The following RANBP2 variants were observed in gnomAD, a reference collection of about 807,000 sequenced individuals.
RANBP2 encodes the protein RAN binding protein 2, also known as E3 SUMO-protein ligase RanBP2.
In RANBP2, 57 loss-of-function variants were observed where a neutral mutation model predicts 303.6. The ratio of observed to expected loss-of-function variants is 0.19; its 90% confidence interval spans 0.15 to 0.23. The LOEUF (loss-of-function observed/expected upper bound fraction) is 0.23, where lower values mean the gene tolerates loss of function less well. Ranked by LOEUF, RANBP2 falls within the 10% of genes least tolerant of loss-of-function variation. The pLI, the probability that RANBP2 is intolerant of heterozygous loss-of-function variation, is 1.00. For missense variants in RANBP2, 3,138 were observed against 3,780.8 expected (o/e 0.83, Z 4.46); for synonymous variants, 1,167 against 1,301.5 (o/e 0.90, Z 2.23).
the RANBP2 span, among the ~76,000 whole-genome samples, chr2:109,084,795 A>G: frequency 4.0e-4 from 61 of 152,128 alleles, no homozygotes; most frequent in Non-Finnish European, 8.8e-5. Context: ...TGTGGACGCC[A>G]CTCATATTTT....
chr2:109,387,052 C>T, the RANBP2 span, among the ~76,000 whole-genome samples: 1,611 of 152,256 alleles, frequency 0.011, 40 homozygotes, highest in African/African-American at 0.037. Flanking sequence ...TAAAATCACC[C>T]ATAATCCTAC....
chr2:109,211,771 G>C, the RANBP2 span, among the ~76,000 whole-genome samples: 1 of 151,794 alleles, frequency 6.6e-6, no homozygotes, highest in Admixed American at 6.6e-5. Context: ...CAGCCTCCCT[G>C]AGTAGCTGGG....
At chr2:108,912,758 C>A in the RANBP2 span, 1 of 1,592,810 alleles carries the variant, frequency 6.3e-7, no homozygotes, top group Non-Finnish European at 8.5e-7. Context: ...TGAAGTGGCT[C>A]CCACACCTGC....
chr2:109,389,416 G>C, the RANBP2 span, among the ~76,000 whole-genome samples: 1 of 152,352 alleles, frequency 6.6e-6, no homozygotes, highest in South Asian at 2.1e-4. Flanking sequence ...TTGACATCTT[G>C]ACCGAGGGCA....
the RANBP2 span, among the ~76,000 whole-genome samples, chr2:109,497,134 A>G: frequency 0.25 from 38,776 of 152,108 alleles, 5,270 homozygotes; most frequent in East Asian, 0.5. Context: ...TTATAGTATG[A>G]TGCCACTACA....
At chr2:109,548,145 G>T in the RANBP2 span, among the ~76,000 whole-genome samples, 1 of 150,466 alleles carries the variant, frequency 6.6e-6, no homozygotes, top group Non-Finnish European at 1.5e-5. Context: ...CAAGGAGAAT[G>T]TAGGTGGACC....
the RANBP2 span, among the ~76,000 whole-genome samples, chr2:109,044,694 C>G: frequency 6.6e-6 from 1 of 152,068 alleles, no homozygotes; most frequent in East Asian, 1.9e-4. Flanking sequence ...CTTTATTCAT[C>G]CCCACTCCAG....
At chr2:109,283,310 G>T in the RANBP2 span, among the ~76,000 whole-genome samples, 2 of 152,202 alleles carry the variant, frequency 1.3e-5, no homozygotes, top group Non-Finnish European at 1.5e-5. Context: ...TTGTGGGCCT[G>T]CTGGACACCT....
At chr2:109,766,785 T>C in the RANBP2 span, among the ~76,000 whole-genome samples, 2 of 150,118 alleles carry the variant, frequency 1.3e-5, no homozygotes, top group African/African-American at 4.9e-5. Flanking sequence ...TAGATTTGCC[T>C]GTTTGATTTT....
the RANBP2 span, among the ~76,000 whole-genome samples, chr2:108,922,069 G>A: frequency 7.2e-5 from 11 of 152,328 alleles, no homozygotes; most frequent in African/African-American, 9.6e-5. Context: ...TTAGAGAGGC[G>A]CCCCTGCCGT....
At chr2:109,051,080 A>G in the RANBP2 span, among the ~76,000 whole-genome samples, 5 of 152,150 alleles carry the variant, frequency 3.3e-5, no homozygotes, top group Non-Finnish European at 7.4e-5. Flanking sequence ...TCTGAAATGC[A>G]TGCTTCCTTA....
the RANBP2 span, among the ~76,000 whole-genome samples, chr2:109,451,070 C>T: frequency 2.0e-5 from 3 of 152,358 alleles, no homozygotes; most frequent in Admixed American, 2.0e-4. Context: ...TGGGCCACAC[C>T]AGGTTCCGCA....
rs755349791 is a variant in RANBP2 at position 108,783,905 on chromosome 2, CATT to C, written c.*5_*7del. ...CACAGAATGTGGACAGATATAAAAT[CATT>C]GTTGTTCATAGAAAATTTCATCTGT... On this transcript the variant is annotated 3_prime_UTR_variant, in exon 29 of 29. Coordinates refer to ENST00000283195, the MANE Select transcript of RANBP2 (RefSeq NM_006267.5). The C allele has an allele frequency of 8.8e-5, 141 of 1,603,826 alleles. No homozygotes were observed. Among genetic ancestry groups the C allele is most frequent in the African/African-American group, 4.0e-4 (30 of 74,802 alleles).
the RANBP2 span, among the ~76,000 whole-genome samples, chr2:109,513,332 C>T: frequency 1.3e-5 from 2 of 151,512 alleles, no homozygotes; most frequent in African/African-American, 4.9e-5. Flanking sequence ...CATGCACACA[C>T]CTCACACATG....
chr2:109,366,779 G>A, the RANBP2 span, among the ~76,000 whole-genome samples: 1 of 152,194 alleles, frequency 6.6e-6, no homozygotes, highest in African/African-American at 2.4e-5. Context: ...CTTGCGCCTG[G>A]AAAGTCAAAG....
At chr2:109,032,590 G>T in the RANBP2 span, among the ~76,000 whole-genome samples, 1 of 151,730 alleles carries the variant, frequency 6.6e-6, no homozygotes, top group Non-Finnish European at 1.5e-5. Flanking sequence ...TCCCCATGGG[G>T]TGGGGTGGGG....
the RANBP2 span, among the ~76,000 whole-genome samples, chr2:109,414,043 C>T: frequency 6.6e-6 from 1 of 152,242 alleles, no homozygotes; most frequent in Non-Finnish European, 1.5e-5. Flanking sequence ...ATGACATTCC[C>T]TCTGAAGCAC....
chr2:109,419,416 G>A, the RANBP2 span: 1,135 of 1,019,576 alleles, frequency 1.1e-3, 3 homozygotes, highest in African/African-American at 8.8e-3. Flanking sequence ...GCACGTTGGA[G>A]GCCAAACAGC....
the RANBP2 span, among the ~76,000 whole-genome samples, chr2:109,203,862 G>T: frequency 6.6e-6 from 1 of 152,136 alleles, no homozygotes; most frequent in Non-Finnish European, 1.5e-5. Context: ...ACCTACCCCT[G>T]GGCCCTTCTT....
Sources: allele counts gnomAD v4.1 joint callset (sites outside exome capture counted in the v4.1 genomes callset), GRCh38; gene constraint gnomAD v4.1.1; transcripts MANE v1.5; gene names NCBI Gene and HGNC (gene_info 2026-07-23, HGNC 2026-07-21).